EDIL3: variants seen among roughly 807,000 people sequenced by gnomAD.
EDIL3 encodes the protein EGF-like repeat and discoidin I-like domain-containing protein 3.
EDIL3 carries 37 observed loss-of-function variants against 67.4 expected under a neutral mutation model. The observed-to-expected ratio is 0.55, with a 90% CI of 0.42 to 0.72. The LOEUF (loss-of-function observed/expected upper bound fraction) is 0.72. Ranked by LOEUF, EDIL3 falls within the 30% of genes least tolerant of loss-of-function variation. EDIL3 has a pLI of 0.00. For missense variants in EDIL3, 527 were observed against 586.3 expected (o/e 0.90, Z 1.04); for synonymous variants, 195 against 196.3 (o/e 0.99, Z 0.05).
At chr5:84,209,565 C>T (rs958517523) in intron 3 of EDIL3, among the ~76,000 whole-genome samples, 1 of 152,088 alleles carries the variant, frequency 6.6e-6, no homozygotes, top group Middle Eastern at 3.4e-3. Flanking sequence ...TGCTGTATAT[C>T]CTGGTTTTGT....
chr5:83,951,999 G>A (rs1438740055), intron 10 of EDIL3, among the ~76,000 whole-genome samples: 1 of 151,740 alleles, frequency 6.6e-6, no homozygotes, highest in Non-Finnish European at 1.5e-5. Context: ...CAGTCAGCCC[G>A]ATGAGAGACC....
chr5:84,241,884 C>G (rs1186076475), intron 2 of EDIL3, among the ~76,000 whole-genome samples: 1 of 151,828 alleles, frequency 6.6e-6, no homozygotes, highest in Admixed American at 6.6e-5. Context: ...ACTTATGAGC[C>G]AGACACTGTT....
At chr5:84,309,998 T>C (rs578153224) in intron 1 of EDIL3, among the ~76,000 whole-genome samples, 1 of 152,286 alleles carries the variant, frequency 6.6e-6, no homozygotes, top group Admixed American at 6.5e-5. Context: ...TCAGTTTCAC[T>C]CCATGTTATC....
intron 1 of EDIL3, among the ~76,000 whole-genome samples, chr5:84,268,329 G>A (rs887106931): frequency 1.3e-5 from 2 of 152,032 alleles, no homozygotes; most frequent in African/African-American, 4.8e-5. Flanking sequence ...AAGCAACAAA[G>A]TCAACTATGC....
chr5:84,348,593 C>CA (rs34145102), intron 1 of EDIL3, among the ~76,000 whole-genome samples: 1,763 of 139,186 alleles, frequency 0.013, 20 homozygotes, highest in East Asian at 0.032. Flanking sequence ...TCCTCTGTGG[C>CA]AAAAAAAAAA....
At chr5:84,105,204 G>A (rs1747436930) in intron 6 of EDIL3, among the ~76,000 whole-genome samples, 1 of 152,050 alleles carries the variant, frequency 6.6e-6, no homozygotes, top group African/African-American at 2.4e-5. Context: ...CTGTATAGAT[G>A]TGCCATTTCC....
chr5:84,322,049 A>G (rs1289650201), intron 1 of EDIL3, among the ~76,000 whole-genome samples: 1 of 151,592 alleles, frequency 6.6e-6, no homozygotes, highest in Non-Finnish European at 1.5e-5. Flanking sequence ...CATGAAAATT[A>G]AACAATAATA....
intron 6 of EDIL3, among the ~76,000 whole-genome samples, chr5:84,092,854 T>G (rs2112269426): frequency 6.6e-6 from 1 of 152,126 alleles, no homozygotes; most frequent in East Asian, 1.9e-4. Context: ...AGGCAGAAGT[T>G]TTACAAGGTT....
At chr5:83,974,594 A>T (rs1744848602) in intron 9 of EDIL3, among the ~76,000 whole-genome samples, 1 of 152,066 alleles carries the variant, frequency 6.6e-6, no homozygotes, top group Admixed American at 6.6e-5. Flanking sequence ...TTATATTTGT[A>T]TAACAAGGGC....
At chr5:84,049,488 CT>C (rs1039952021) in intron 9 of EDIL3, among the ~76,000 whole-genome samples, 5 of 152,238 alleles carry the variant, frequency 3.3e-5, no homozygotes, top group African/African-American at 1.2e-4. Context: ...TGGAAACTAC[CT>C]ATGGAAGCTA....
intron 1 of EDIL3, among the ~76,000 whole-genome samples, chr5:84,296,556 T>A (rs1746054376): frequency 6.6e-6 from 1 of 152,204 alleles, no homozygotes. Context: ...CAAGTTATTC[T>A]TTATGCTACC....
At chr5:84,211,289 C>T (rs1744112840) in intron 3 of EDIL3, among the ~76,000 whole-genome samples, 1 of 152,100 alleles carries the variant, frequency 6.6e-6, no homozygotes, top group African/African-American at 2.4e-5. Context: ...GAGACTAGCA[C>T]CTCCTCTCTC....
At chr5:84,219,841 T>C (rs940111146) in intron 3 of EDIL3, among the ~76,000 whole-genome samples, 1 of 152,168 alleles carries the variant, frequency 6.6e-6, no homozygotes, top group Admixed American at 6.5e-5. Flanking sequence ...GATCATTATG[T>C]TAAATGAAAT....
intron 10 of EDIL3, among the ~76,000 whole-genome samples, chr5:83,947,363 CTGTGTCTGTGTGTGTGTGTGTG>C (rs1744328659): frequency 7.9e-6 from 1 of 126,568 alleles, no homozygotes. Flanking sequence ...GTGTCTGTGT[CTGTGTCTGTGTGTGTGTGTGTG>C]TGTGTGTGTG....
At chr5:84,054,334 A>G (rs1057142816) in intron 9 of EDIL3, among the ~76,000 whole-genome samples, 1 of 152,234 alleles carries the variant, frequency 6.6e-6, no homozygotes, top group African/African-American at 2.4e-5. Flanking sequence ...TATTTATGAC[A>G]AACTCACAGC....
At chr5:84,007,542 T>C (rs1189867014) in intron 9 of EDIL3, among the ~76,000 whole-genome samples, 1 of 152,108 alleles carries the variant, frequency 6.6e-6, no homozygotes, top group Non-Finnish European at 1.5e-5. Context: ...CATTAATTGA[T>C]CATTACAGAA....
At chr5:84,124,134 T>TTA (rs1278454170) in intron 5 of EDIL3, among the ~76,000 whole-genome samples, 1 of 151,884 alleles carries the variant, frequency 6.6e-6, no homozygotes. Flanking sequence ...CATAAAATAC[T>TTA]TATGCAGGTA....
At chr5:84,176,591 C>T (rs1287637790) in intron 4 of EDIL3, among the ~76,000 whole-genome samples, 2 of 151,478 alleles carry the variant, frequency 1.3e-5, no homozygotes, top group African/African-American at 4.8e-5. Flanking sequence ...CATTTGTTAC[C>T]AGGCAATACA....
intron 5 of EDIL3, among the ~76,000 whole-genome samples, chr5:84,127,821 C>T (rs1747893495): frequency 6.6e-6 from 1 of 152,002 alleles, no homozygotes; most frequent in Non-Finnish European, 1.5e-5. Flanking sequence ...TACTTTCTCC[C>T]TTGGCAATGC....
Sources: allele counts gnomAD v4.1 joint callset (sites outside exome capture counted in the v4.1 genomes callset), GRCh38; gene constraint gnomAD v4.1.1; transcripts MANE v1.5; gene names NCBI Gene and HGNC (gene_info 2026-07-23, HGNC 2026-07-21).